Variants in HADHB observed in about 807,000 individuals in gnomAD.
HADHB encodes the protein hydroxyacyl-CoA dehydrogenase trifunctional multienzyme complex subunit beta.
Under a neutral mutation model 61.9 loss-of-function variants are expected in HADHB, and 50 were observed. The ratio of observed to expected loss-of-function variants is 0.81; its 90% CI spans 0.64 to 1.02. The LOEUF is 1.02. Among genes scored for constraint, HADHB ranks in the 50% least tolerant of loss-of-function variants. The probability of loss-of-function intolerance (pLI) is 0.00; values close to 1 mark genes in which losing one functional copy is unlikely to be tolerated. For synonymous variants in HADHB, 191 were observed against 201.6 expected (o/e 0.95, Z 0.45); for missense variants, 504 against 586.5 (o/e 0.86, Z 1.45).
At chr2:26,278,018 G>A (rs1238339156) in intron 7 of HADHB, among the ~76,000 whole-genome samples, 1 of 152,212 alleles carries the variant, frequency 6.6e-6, no homozygotes, top group Non-Finnish European at 1.5e-5. Context: ...CTTAGTGTGA[G>A]GAGGCAAGGA....
Position 26,284,101 on chromosome 2 carries a change from T to C in HADHB, c.1062-16T>C, listed in dbSNP as rs1372446229. On this transcript the variant is annotated splice_polypyrimidine_tract_variant and intron_variant, in intron 12 of 15. Coordinates refer to ENST00000317799, the MANE Select transcript of HADHB (RefSeq NM_000183.3). ...AAAATTAAAGTTTTAAGATATTACT[T>C]ATTTTTTCTTTGCAGACCAACATAT... 1 of 1,447,052 alleles carries C rather than the reference T, an allele frequency of 6.9e-7. No homozygotes were observed. 89.6% of individuals were successfully genotyped at this position (1,447,052 alleles called of 1,614,324 possible). A position where few individuals can be genotyped will look rare whatever the true frequency, so the allele number is the denominator to read the frequency against.
chr2:26,251,294 C>T (rs1671388945), intron 1 of HADHB, among the ~76,000 whole-genome samples: 1 of 151,938 alleles, frequency 6.6e-6, no homozygotes, highest in South Asian at 2.1e-4. Flanking sequence ...TCGGGTGCTC[C>T]TCCCACCTCA....
chr2:26,273,545 T>C, intron 5 of HADHB, 106 bp from the exon 6 acceptor site: 1 of 734,034 alleles, frequency 1.4e-6, no homozygotes. Context: ...TCTGTCCTTT[T>C]AAATTCAAGG....
chr2:26,273,723 A>C lies in HADHB; in HGVS notation c.327A>C (p.Glu109Asp), dbSNP rs1672439147. Residue 109 changes from glutamate to aspartate, a missense_variant, in exon 6 of 16, where the codon GAA becomes GAC. Transcript: ENST00000317799. ...DYIIFGTVIQEVKTSNVAREA... is the reference protein window; with the variant it reads ...DYIIFGTVIQDVKTSNVAREA... ...TCATCTTTGGTACAGTTATTCAGGA[A>C]GTGAAAACAAGCAATGTGGCTAGAG... is the stretch of plus-strand genomic sequence containing the variant. 1.2e-6 allele frequency: 2 copies of C among 1,601,168 alleles called. No homozygotes were observed. The highest frequency in any genetic ancestry group is 2.7e-5 in the African/African-American group (2 of 74,660).
At chr2:26,260,133 G>A (rs1671800716) in intron 3 of HADHB, among the ~76,000 whole-genome samples, 1 of 148,340 alleles carries the variant, frequency 6.7e-6, no homozygotes, top group South Asian at 2.1e-4. Flanking sequence ...CCAGGCTGGA[G>A]TGCAGTGGCA....
At chr2:26,255,372 C>T (rs573470227) in intron 3 of HADHB, among the ~76,000 whole-genome samples, 10 of 151,960 alleles carry the variant, frequency 6.6e-5, no homozygotes, top group Admixed American at 1.3e-4. Context: ...TGGTGGCATA[C>T]GCCTGTAGTC....
At chr2:26,269,295 A>C (rs1398989986) in intron 4 of HADHB, among the ~76,000 whole-genome samples, 4 of 152,132 alleles carry the variant, frequency 2.6e-5, no homozygotes, top group Non-Finnish European at 5.9e-5. Context: ...CATGGCCTTA[A>C]GCAGTCTTCT....
At chr2:26,261,291 T>C in intron 3 of HADHB, 1 of 448,348 alleles carries the variant, frequency 2.2e-6, no homozygotes, top group East Asian at 3.4e-5. Context: ...ATAAAAGAAA[T>C]AGAGGGGGCT....
At chr2:26,246,378 T>G (rs1238883835) in intron 1 of HADHB, among the ~76,000 whole-genome samples, 1 of 151,718 alleles carries the variant, frequency 6.6e-6, no homozygotes, top group African/African-American at 2.4e-5. Context: ...GTTTTGCTCT[T>G]GTTGTCCAGG....
intron 4 of HADHB, among the ~76,000 whole-genome samples, chr2:26,265,209 A>G: frequency 2.0e-5 from 3 of 152,314 alleles, no homozygotes; most frequent in Middle Eastern, 6.8e-3. Context: ...AAAAAGTTCC[A>G]TCAAGACATG....
rs1671833749 is a variant in HADHB at position 26,260,895 on chromosome 2, CA to C, written c.110-2484del. On this transcript the variant is annotated intron_variant, in intron 3 of 15. Transcript: ENST00000317799. Reference sequence around the variant, plus strand: ...TTTACAAACTCTGGCTTACGAATGACATCAGTTTACCATCAACCTGTTCTTC... The same window carrying C: ...TTTACAAACTCTGGCTTACGAATGACTCAGTTTACCATCAACCTGTTCTTC... The C allele has an allele frequency of 4.5e-6, 3 of 666,030 alleles. No individual in the cohort carries two copies. In the East Asian group the frequency reaches 8.1e-5, roughly 18 times the overall value. 41.3% of individuals were successfully genotyped at this position (666,030 alleles called of 1,614,324 possible). A position where few individuals can be genotyped will look rare whatever the true frequency, so the allele number is the denominator to read the frequency against.
At chr2:26,278,210 G>A (rs1157934308) in intron 7 of HADHB, among the ~76,000 whole-genome samples, 1 of 151,844 alleles carries the variant, frequency 6.6e-6, no homozygotes, top group African/African-American at 2.4e-5. Context: ...GGAGAGAGGG[G>A]GCCTGCCTTA....
intron 5 of HADHB, among the ~76,000 whole-genome samples, chr2:26,270,579 A>G (rs1446898006): frequency 2.0e-5 from 3 of 152,078 alleles, no homozygotes; most frequent in African/African-American, 7.2e-5. Context: ...TCTTCCTGCA[A>G]TACCTCAAGC....
At chr2:26,277,028 G>A (rs368287300) in intron 6 of HADHB, 45 bp from the exon 7 acceptor site, 2 of 916,060 alleles carry the variant, frequency 2.2e-6, no homozygotes, top group African/African-American at 3.2e-5. Flanking sequence ...TTTACATGAT[G>A]CCCTTCCCTT....
chr2:26,246,421 C>T lies in HADHB; in HGVS notation c.-9+1431C>T, dbSNP rs549032211. Among the ~76,000 whole-genome samples, 14 of 151,492 alleles carry T rather than the reference C, an allele frequency of 9.2e-5. No individual in the cohort carries two copies. In the South Asian group the frequency reaches 1.7e-3, roughly 18 times the overall value. Reference sequence around the variant, plus strand: ...GCAGTGGCGCGATCTTGGCTCACTGCAGCCTCCTCCCGGGTTCAAGTGATT... The same window carrying T: ...GCAGTGGCGCGATCTTGGCTCACTGTAGCCTCCTCCCGGGTTCAAGTGATT... On this transcript the variant is annotated intron_variant, in intron 1 of 15. Coordinates refer to ENST00000317799, the MANE Select transcript of HADHB (RefSeq NM_000183.3).
At position 26,289,944 on chromosome 2, in the gene HADHB, T is replaced by C. The variant is rs1558365001; in HGVS notation, c.1416T>C (p.Tyr472=). ...GQGHAMIVEA[Y]PK ...GCCATGCTATGATAGTGGAAGCTTA[T>C]CCAAAATAATAGATCCAGAAGAAGT... The change falls in exon 16 of 16, where the codon TAT becomes TAC. Residue 472 remains tyrosine (Y), a synonymous_variant. Transcript: ENST00000317799. 24 of 1,607,568 alleles carry C rather than the reference T, an allele frequency of 1.5e-5. No individual in the cohort carries two copies. Among genetic ancestry groups the C allele is most frequent in the Non-Finnish European group, 2.0e-5 (24 of 1,174,212 alleles).
chr2:26,248,130 ATCTAT>A (rs796376625), intron 1 of HADHB, among the ~76,000 whole-genome samples: 2 of 152,146 alleles, frequency 1.3e-5, no homozygotes, highest in African/African-American at 4.8e-5. Flanking sequence ...AGTTATTCTA[ATCTAT>A]TATTCTAATT....
At chr2:26,264,883 G>A (rs761443243) in intron 4 of HADHB, among the ~76,000 whole-genome samples, 2 of 151,232 alleles carry the variant, frequency 1.3e-5, no homozygotes, top group Non-Finnish European at 2.9e-5. Flanking sequence ...CCAGCTACTC[G>A]AGACACTAAG....
At chr2:26,274,160 G>A (rs1453864805) in intron 6 of HADHB, among the ~76,000 whole-genome samples, 1 of 152,176 alleles carries the variant, frequency 6.6e-6, no homozygotes, top group Non-Finnish European at 1.5e-5. Context: ...AAGTAGCCTT[G>A]CTTACTCATT....
Sources: allele counts gnomAD v4.1 joint callset (sites outside exome capture counted in the v4.1 genomes callset), GRCh38; gene constraint gnomAD v4.1.1; transcripts MANE v1.5; gene names NCBI Gene and HGNC (gene_info 2026-07-23, HGNC 2026-07-21).